HTR4: variants seen among roughly 807,000 people sequenced by gnomAD.
HTR4 encodes the protein 5-hydroxytryptamine (serotonin) receptor 4, G protein-coupled.
HTR4 carries 16 observed loss-of-function variants against 36.8 expected under a neutral mutation model. That is an observed-to-expected ratio of 0.43 (90% CI 0.29 to 0.66). The LOEUF (loss-of-function observed/expected upper bound fraction) is 0.66. HTR4 is among the 30% of genes least tolerant of loss of function. HTR4 has a pLI of 0.13. For missense variants in HTR4, 438 were observed against 490.9 expected (o/e 0.89, Z 1.02); for synonymous variants, 189 against 185.1 (o/e 1.02, Z -0.17).
At chr5:148,637,124 G>T in intron 1 of HTR4, 63 bp from the exon 2 acceptor site, 1 of 1,108,212 alleles carries the variant, frequency 9.0e-7, no homozygotes, top group Non-Finnish European at 1.3e-6. Flanking sequence ...ACAAGTCCTT[G>T]TTTTAAAAAA....
At chr5:148,603,215 T>C (rs1291585783) in intron 2 of HTR4, among the ~76,000 whole-genome samples, 1 of 152,052 alleles carries the variant, frequency 6.6e-6, no homozygotes, top group African/African-American at 2.4e-5. Context: ...AAATAATAGT[T>C]ATTTCATCAT....
chr5:148,564,226 C>T (rs1365288110), intron 2 of HTR4, among the ~76,000 whole-genome samples: 1 of 152,160 alleles, frequency 6.6e-6, no homozygotes, highest in Non-Finnish European at 1.5e-5. Flanking sequence ...AGATGAGGCA[C>T]GCTTGTTAAA....
At chr5:148,466,907 C>T (rs146601442) in intron 5 of HTR4, among the ~76,000 whole-genome samples, 111 of 152,266 alleles carry the variant, frequency 7.3e-4, no homozygotes, top group African/African-American at 2.5e-3. Flanking sequence ...TAACAAAGCT[C>T]TCTTAGTGTT....
chr5:148,588,435 G>A (rs1440352552), intron 2 of HTR4, among the ~76,000 whole-genome samples: 1 of 151,980 alleles, frequency 6.6e-6, no homozygotes, highest in Non-Finnish European at 1.5e-5. Flanking sequence ...AGAACCAGGG[G>A]GAAGAAAAAG....
At chr5:148,520,063 T>C (rs1373478636) in intron 5 of HTR4, among the ~76,000 whole-genome samples, 1 of 152,088 alleles carries the variant, frequency 6.6e-6, no homozygotes, top group Non-Finnish European at 1.5e-5. Context: ...CTGATGAAAA[T>C]GTTGTGACCA....
chr5:148,630,652 GTAAT>G (rs1403698914), intron 2 of HTR4, among the ~76,000 whole-genome samples: 2 of 152,084 alleles, frequency 1.3e-5, no homozygotes, highest in African/African-American at 2.4e-5. Context: ...ATAGCTTATA[GTAAT>G]TAATTATCAG....
chr5:148,603,898 G>GGA (rs1334639144), intron 2 of HTR4, among the ~76,000 whole-genome samples: 14 of 151,948 alleles, frequency 9.2e-5, no homozygotes, highest in African/African-American at 3.1e-4. Context: ...TAATCATCAC[G>GGA]GACTTAAGAT....
At chr5:148,605,349 C>T (rs1752113522) in intron 2 of HTR4, among the ~76,000 whole-genome samples, 1 of 149,342 alleles carries the variant, frequency 6.7e-6, no homozygotes, top group Non-Finnish European at 1.5e-5. Context: ...ACCTCCGCCT[C>T]CCAGGTTCAA....
chr5:148,562,360 G>C (rs532493798), intron 2 of HTR4, among the ~76,000 whole-genome samples: 1 of 152,116 alleles, frequency 6.6e-6, no homozygotes, highest in East Asian at 1.9e-4. Flanking sequence ...AGACCTATAA[G>C]AGCCTAAAAG....
At chr5:148,540,398 G>GTGTA (rs1347613976) in intron 4 of HTR4, among the ~76,000 whole-genome samples, 1 of 44,812 alleles carries the variant, frequency 2.2e-5, no homozygotes, top group African/African-American at 6.4e-5. Context: ...TTTTATGTGT[G>GTGTA]TGTATATATA....
intron 2 of HTR4, among the ~76,000 whole-genome samples, chr5:148,600,308 T>C (rs1408398543): frequency 6.8e-6 from 1 of 147,520 alleles, no homozygotes; most frequent in East Asian, 1.9e-4. Flanking sequence ...ATATATATTA[T>C]ATTATATATT....
intron 1 of HTR4, among the ~76,000 whole-genome samples, chr5:148,648,416 G>A (rs1753936884): frequency 6.6e-6 from 1 of 152,168 alleles, no homozygotes; most frequent in Non-Finnish European, 1.5e-5. Context: ...GCCAGGATGT[G>A]CCCACTGAAG....
Position 148,509,992 on chromosome 5 carries a change from G to GT in HTR4, c.539dup (p.Asn180LysfsTer41). ...TGACCATGAAGACACAGTACGTAGA[G>GT]TTAGAGTTCTGGTTGAACTTCCTCT... On this transcript the variant is annotated frameshift_variant, in exon 6 of 7. Transcript: ENST00000377888. LOFTEE classifies it high-confidence loss of function. The GT allele has an allele frequency of 6.2e-7, 1 of 1,613,362 alleles. No individual in the cohort carries two copies. Among genetic ancestry groups the GT allele is most frequent in the Non-Finnish European group, 8.5e-7 (1 of 1,179,640 alleles).
intron 4 of HTR4, among the ~76,000 whole-genome samples, chr5:148,545,759 A>C (rs1483906086): frequency 6.6e-6 from 1 of 152,198 alleles, no homozygotes; most frequent in Non-Finnish European, 1.5e-5. Flanking sequence ...GGTGAAGGGA[A>C]GCTGGGGACA....
intron 2 of HTR4, among the ~76,000 whole-genome samples, chr5:148,556,306 G>C (rs572781659): frequency 6.6e-6 from 1 of 152,078 alleles, no homozygotes; most frequent in African/African-American, 2.4e-5. Flanking sequence ...TTACAGGCAT[G>C]AGCCACCACG....
intron 1 of HTR4, among the ~76,000 whole-genome samples, chr5:148,653,855 A>G (rs1754111658): frequency 6.6e-6 from 1 of 152,102 alleles, no homozygotes; most frequent in African/African-American, 2.4e-5. Context: ...GCCTACAGTG[A>G]TCCCACGCTG....
chr5:148,519,882 G>T (rs573365397), intron 5 of HTR4, among the ~76,000 whole-genome samples: 71 of 152,238 alleles, frequency 4.7e-4, no homozygotes, highest in African/African-American at 1.6e-3. Flanking sequence ...GTTTGTAATT[G>T]CAAGAAGGCT....
chr5:148,566,181 T>C (rs767949643), intron 2 of HTR4, among the ~76,000 whole-genome samples: 8 of 152,116 alleles, frequency 5.3e-5, no homozygotes, highest in Non-Finnish European at 1.0e-4. Context: ...TTTAAAATAT[T>C]TAATGACAAG....
chr5:148,601,863 T>C (rs542191537), intron 2 of HTR4, among the ~76,000 whole-genome samples: 50 of 152,326 alleles, frequency 3.3e-4, no homozygotes, highest in African/African-American at 1.1e-3. Flanking sequence ...CAGGATGTTA[T>C]GCTAAGTGAA....
Sources: allele counts gnomAD v4.1 joint callset (sites outside exome capture counted in the v4.1 genomes callset), GRCh38; gene constraint gnomAD v4.1.1; transcripts MANE v1.5; gene names NCBI Gene and HGNC (gene_info 2026-07-23, HGNC 2026-07-21).